The following OPCML variants were observed in gnomAD, a reference collection of about 807,000 sequenced individuals.
OPCML encodes opioid-binding protein/cell adhesion molecule.
A neutral mutation model predicts 37.8 loss-of-function variants in OPCML; 13 were observed. The ratio of observed to expected loss-of-function variants is 0.34; its 90% confidence interval spans 0.22 to 0.55. The LOEUF (loss-of-function observed/expected upper bound fraction) is 0.55, where lower values mean the gene tolerates loss of function less well. Ranked by LOEUF, OPCML falls within the 20% of genes least tolerant of loss-of-function variation. The pLI, the probability that OPCML is intolerant of heterozygous loss-of-function variation, is 0.91. For synonymous variants in OPCML, 176 were observed against 168.8 expected (o/e 1.04, Z -0.33); for missense variants, 341 against 435.6 (o/e 0.78, Z 1.93).
chr11:133,370,502 A>T (rs1452837026), intron 1 of OPCML, among the ~76,000 whole-genome samples: 1 of 151,994 alleles, frequency 6.6e-6, no homozygotes, highest in Non-Finnish European at 1.5e-5. Context: ...AAAAAAGGAA[A>T]AAAACCTAGG....
At chr11:133,457,759 C>T (rs890760925) in intron 1 of OPCML, among the ~76,000 whole-genome samples, 7 of 151,978 alleles carry the variant, frequency 4.6e-5, no homozygotes, top group East Asian at 1.9e-4. Flanking sequence ...TAACTAAGAG[C>T]GGACGTAGTT....
intron 7 of OPCML, among the ~76,000 whole-genome samples, chr11:132,429,290 T>A (rs1406839746): frequency 6.6e-6 from 1 of 152,172 alleles, no homozygotes; most frequent in Non-Finnish European, 1.5e-5. Flanking sequence ...TTTGGAAATG[T>A]CACTTGGCCC....
chr11:132,845,844 G>T (rs1206091894), intron 2 of OPCML, among the ~76,000 whole-genome samples: 2 of 151,982 alleles, frequency 1.3e-5, no homozygotes, highest in Non-Finnish European at 2.9e-5. Flanking sequence ...ATGATTTGAG[G>T]TTTATTTGCC....
At chr11:132,860,558 G>A (rs375473034) in intron 2 of OPCML, 2 of 152,208 alleles carry the variant, frequency 1.3e-5, no homozygotes, top group African/African-American at 2.4e-5. Context: ...TGAAAGCCAC[G>A]GCAATCCATT....
At chr11:133,322,981 T>TA (rs1411837470) in intron 1 of OPCML, among the ~76,000 whole-genome samples, 5 of 152,212 alleles carry the variant, frequency 3.3e-5, no homozygotes, top group Non-Finnish European at 7.3e-5. Context: ...GAGTTAATAC[T>TA]AACAGACATT....
chr11:133,220,593 G>A (rs770227387), intron 1 of OPCML, among the ~76,000 whole-genome samples: 1 of 152,174 alleles, frequency 6.6e-6, no homozygotes, highest in Non-Finnish European at 1.5e-5. Context: ...AGGAACGCAG[G>A]CACTTTCAGC....
chr11:132,551,578 T>C (rs1023484659), intron 3 of OPCML, among the ~76,000 whole-genome samples: 3 of 152,148 alleles, frequency 2.0e-5, no homozygotes, highest in Non-Finnish European at 2.9e-5. Context: ...GCTTTAGATA[T>C]TTTGCAAACC....
Position 133,126,027 on chromosome 11 carries a change from C to T in OPCML, c.62-183017G>A, listed in dbSNP as rs963484578. On this transcript the variant is annotated intron_variant, in intron 1 of 7. Transcript: ENST00000524381. Reference sequence around the variant, plus strand: ...GTATAGACACATATGTGTATATATACACTATATATATACTACATATACACA... The same window carrying T: ...GTATAGACACATATGTGTATATATATACTATATATATACTACATATACACA... Among the ~76,000 whole-genome samples the T allele has an allele frequency of 2.0e-5, 3 of 148,690 alleles. No individual in the cohort carries two copies. The South Asian group carries it at 6.4e-4, about 32-fold the overall frequency.
intron 1 of OPCML, among the ~76,000 whole-genome samples, chr11:133,247,593 T>TTCTTTCATCTG (rs1243257017): frequency 1.1e-4 from 17 of 149,116 alleles, no homozygotes; most frequent in South Asian, 6.5e-4. Flanking sequence ...TCATCTGTCT[T>TTCTTTCATCTG]TCTTTCTTTC....
chr11:132,698,390 T>C (rs141107187), intron 2 of OPCML, among the ~76,000 whole-genome samples: 168 of 152,248 alleles, frequency 1.1e-3, no homozygotes, highest in African/African-American at 3.6e-3. Context: ...CCCTGATGAT[T>C]AGTGATGTTG....
chr11:133,073,884 G>A (rs1175532179), intron 1 of OPCML, among the ~76,000 whole-genome samples: 1 of 152,166 alleles, frequency 6.6e-6, no homozygotes, highest in African/African-American at 2.4e-5. Flanking sequence ...TATCATACTT[G>A]TTTGTGAATA....
chr11:133,146,563 T>G (rs918787742), intron 1 of OPCML, among the ~76,000 whole-genome samples: 21 of 152,170 alleles, frequency 1.4e-4, no homozygotes, highest in African/African-American at 4.8e-4. Flanking sequence ...CTTGCCCGCC[T>G]CGGCCTCCCA....
chr11:132,547,113 A>G (rs1357658477), intron 3 of OPCML, among the ~76,000 whole-genome samples: 1 of 152,234 alleles, frequency 6.6e-6, no homozygotes, highest in African/African-American at 2.4e-5. Flanking sequence ...CAGCAAGATG[A>G]CAAGGGCAAA....
intron 1 of OPCML, among the ~76,000 whole-genome samples, chr11:133,509,898 C>G (rs979358764): frequency 1.3e-5 from 2 of 152,168 alleles, no homozygotes; most frequent in African/African-American, 4.8e-5. Flanking sequence ...GGTGTCTCTT[C>G]TTAAAGGCTT....
At chr11:133,429,740 C>T (rs1946079384) in intron 1 of OPCML, among the ~76,000 whole-genome samples, 1 of 152,026 alleles carries the variant, frequency 6.6e-6, no homozygotes. Flanking sequence ...ATGTAAGTTT[C>T]CATTAGCTGA....
In OPCML at chr11:133,532,307, G is replaced by A; in HGVS notation, c.18C>T (p.Tyr6=). ...CAGTTGTCGCCGAGAAGACGACCCAGTAGGCAGGATGGTACATCTCGACGC... is the reference window on the plus strand; with the variant it reads ...CAGTTGTCGCCGAGAAGACGACCCAATAGGCAGGATGGTACATCTCGACGC... The part of the protein sequence containing the change: MYHPA[Y]WVVFSATTAL... Residue 6 remains tyrosine (Y), a synonymous_variant, in exon 1 of 8, where the codon TAC becomes TAT. Transcript: ENST00000524381. The A allele has an allele frequency of 6.2e-7, 1 of 1,613,934 alleles. No individual in the cohort carries two copies. Among genetic ancestry groups the A allele is most frequent in the Non-Finnish European group, 8.5e-7 (1 of 1,179,928 alleles).
intron 1 of OPCML, among the ~76,000 whole-genome samples, chr11:133,528,845 C>T (rs898026264): frequency 2.0e-5 from 3 of 151,948 alleles, no homozygotes; most frequent in South Asian, 2.1e-4. Context: ...AGTCACAAGA[C>T]GAAGGAGATA....
At chr11:133,200,234 C>T (rs367820977) in intron 1 of OPCML, among the ~76,000 whole-genome samples, 9 of 152,156 alleles carry the variant, frequency 5.9e-5, no homozygotes, top group East Asian at 3.9e-4. Context: ...AGTGTCACAC[C>T]GTCCTGTGCA....
chr11:132,776,758 C>T (rs1591594829), intron 2 of OPCML, among the ~76,000 whole-genome samples: 1 of 152,050 alleles, frequency 6.6e-6, no homozygotes, highest in African/African-American at 2.4e-5. Context: ...TCACATATTC[C>T]TTTACAGAGA....
Sources: allele counts gnomAD v4.1 joint callset (sites outside exome capture counted in the v4.1 genomes callset), GRCh38; gene constraint gnomAD v4.1.1; transcripts MANE v1.5; gene names NCBI Gene and HGNC (gene_info 2026-07-23, HGNC 2026-07-21).